Variants in CDC42BPA observed in about 807,000 individuals in gnomAD.
The protein encoded by CDC42BPA is CDC42 binding protein kinase alpha, also known as serine/threonine-protein kinase MRCK alpha.
Under a neutral mutation model 223.5 loss-of-function variants are expected in CDC42BPA, and 80 were observed. The observed-to-expected ratio is 0.36, with a 90% CI of 0.30 to 0.43. The LOEUF is 0.43. Ranked by LOEUF, CDC42BPA falls within the 20% of genes least tolerant of loss-of-function variation. CDC42BPA has a pLI of 1.00. For missense variants in CDC42BPA, 1,743 were observed against 2,099.9 expected, an observed-to-expected ratio of 0.83 and a Z score of 3.32; for synonymous variants, 694 against 718.6, an observed-to-expected ratio of 0.97 and a Z score of 0.55.
intron 2 of CDC42BPA, among the ~76,000 whole-genome samples, chr1:227,216,014 C>A (rs192104741): frequency 7.2e-5 from 11 of 152,182 alleles, no homozygotes; most frequent in African/African-American, 2.6e-4. Context: ...AAAAATTACT[C>A]ATACACTTGA....
chr1:226,992,643 C>T lies in CDC42BPA; in HGVS notation c.*1625G>A, dbSNP rs1292697398. ...ACTGCAGGAAAACTTTCTTCATTTT[C>T]ACTGAATTTTAAAGAGAGAATCCTG... On this transcript the variant is annotated 3_prime_UTR_variant, in exon 37 of 37. Transcript: ENST00000366766. 6.6e-6 allele frequency: 1 copy of T among 152,250 alleles called. No individual in the cohort carries two copies. The highest frequency in any genetic ancestry group is 6.5e-5 in the Admixed American group (1 of 15,288). 9.4% of individuals were successfully genotyped at this position (152,250 alleles called of 1,614,324 possible).
intron 10 of CDC42BPA, among the ~76,000 whole-genome samples, chr1:227,133,579 A>G (rs1412018073): frequency 6.6e-6 from 1 of 152,186 alleles, no homozygotes; most frequent in Admixed American, 6.5e-5. Flanking sequence ...CTGTGCAGAG[A>G]GAAGTAGACA....
intron 5 of CDC42BPA, among the ~76,000 whole-genome samples, chr1:227,174,376 T>TCCA (rs1260664076): frequency 2.0e-5 from 3 of 152,160 alleles, no homozygotes; most frequent in Non-Finnish European, 4.4e-5. Context: ...TTTTACACAT[T>TCCA]CCAAGAGGAT....
chr1:227,251,659 T>C (rs946579226), intron 2 of CDC42BPA, among the ~76,000 whole-genome samples: 3 of 152,124 alleles, frequency 2.0e-5, no homozygotes, highest in African/African-American at 7.2e-5. Context: ...TAATAGCGAA[T>C]GAGTTAATCA....
chr1:227,179,659 A>AAAAAAAAAAAAAAAAG (rs1216438998), intron 5 of CDC42BPA, among the ~76,000 whole-genome samples: 6 of 146,978 alleles, frequency 4.1e-5, no homozygotes, highest in African/African-American at 1.6e-4. Flanking sequence ...AAAAAAAAAA[A>AAAAAAAAAAAAAAAAG]AGCTATTTTA....
intron 1 of CDC42BPA, among the ~76,000 whole-genome samples, chr1:227,274,633 G>T (rs916832600): frequency 2.0e-5 from 3 of 151,980 alleles, no homozygotes; most frequent in Non-Finnish European, 2.9e-5. Flanking sequence ...AAAATACAAA[G>T]ATTTCACACC....
intron 1 of CDC42BPA, among the ~76,000 whole-genome samples, chr1:227,292,179 C>G (rs1390054142): frequency 6.6e-6 from 1 of 152,088 alleles, no homozygotes; most frequent in Non-Finnish European, 1.5e-5. Context: ...GATGGGGTGT[C>G]ACCATATTGG....
At chr1:227,259,475 C>T (rs768704363) in intron 1 of CDC42BPA, among the ~76,000 whole-genome samples, 2 of 150,982 alleles carry the variant, frequency 1.3e-5, no homozygotes, top group Non-Finnish European at 2.9e-5. Context: ...TCCTTATTCC[C>T]GGTGTTCTGG....
chr1:227,033,298 A>G (rs1669655045), intron 27 of CDC42BPA, 36 bp downstream of exon 27: 4 of 1,389,754 alleles, frequency 2.9e-6, no homozygotes, highest in South Asian at 2.3e-5. Context: ...TTAAAAACAC[A>G]TAATTCAGTG....
At chr1:227,170,586 CT>C (rs1430698116) in intron 5 of CDC42BPA, among the ~76,000 whole-genome samples, 2 of 152,158 alleles carry the variant, frequency 1.3e-5, no homozygotes, top group Non-Finnish European at 2.9e-5. Context: ...CAACAGATAG[CT>C]CCCCACTGCC....
At position 227,029,824 on chromosome 1, in the gene CDC42BPA, T is replaced by C. The variant is rs140192237; in HGVS notation, c.3839-574A>G. Among the ~76,000 whole-genome samples the C allele has an allele frequency of 4.3e-4, 65 of 152,328 alleles. No individual in the cohort carries two copies. The East Asian group carries it at 0.012, about 28-fold the overall frequency. On this transcript the variant is annotated intron_variant, in intron 29 of 36. Coordinates refer to ENST00000366766, the MANE Select transcript of CDC42BPA (RefSeq NM_001394014.1). Reference sequence around the variant, plus strand: ...AAAATCAAGTTGTATATATTTTTTTTCATGTTCCATCTTTAGAAATGCAAT... The same window carrying C: ...AAAATCAAGTTGTATATATTTTTTTCCATGTTCCATCTTTAGAAATGCAAT...
chr1:227,206,711 A>G lies in CDC42BPA; in HGVS notation c.354+6425T>C, dbSNP rs193185516. On this transcript the variant is annotated intron_variant, in intron 3 of 36. Coordinates refer to ENST00000366766, the MANE Select transcript of CDC42BPA (RefSeq NM_001394014.1). ...CTATTTTAAAGTGAATTCTTCCTTA[A>G]AAGTTTCAATGCAGAATTTCTGTCT... Among the ~76,000 whole-genome samples, 20 of 152,314 alleles carry G rather than the reference A, an allele frequency of 1.3e-4. No homozygotes were observed. In the East Asian group the frequency reaches 3.9e-3, roughly 29 times the overall value.
At chr1:227,152,100 G>A (rs1265768942) in intron 6 of CDC42BPA, among the ~76,000 whole-genome samples, 1 of 152,054 alleles carries the variant, frequency 6.6e-6, no homozygotes. Context: ...TTGCTGACTT[G>A]TAGGAGTTTT....
intron 2 of CDC42BPA, among the ~76,000 whole-genome samples, chr1:227,248,727 GCA>G (rs147737036): frequency 2.7e-5 from 4 of 149,568 alleles, no homozygotes; most frequent in African/African-American, 7.4e-5. Context: ...TGTGAGGTAT[GCA>G]CACACACACA....
intron 16 of CDC42BPA, among the ~76,000 whole-genome samples, chr1:227,086,556 A>G (rs577612628): frequency 2.1e-4 from 32 of 152,274 alleles, no homozygotes; most frequent in African/African-American, 7.5e-4. Flanking sequence ...TTTAAGTGGC[A>G]TTCTCCTAAT....
At chr1:227,186,352 C>T (rs1440998687) in intron 5 of CDC42BPA, among the ~76,000 whole-genome samples, 2 of 152,264 alleles carry the variant, frequency 1.3e-5, no homozygotes, top group East Asian at 1.9e-4. Context: ...CTTAAGAAGG[C>T]CTGCCCTCAG....
At chr1:227,309,494 A>C (rs1444818346) in intron 1 of CDC42BPA, among the ~76,000 whole-genome samples, 1 of 152,196 alleles carries the variant, frequency 6.6e-6, no homozygotes, top group Non-Finnish European at 1.5e-5. Flanking sequence ...AATAGTAGTA[A>C]AGTTCCCACA....
In CDC42BPA at chr1:226,994,243, C is replaced by T. The variant is rs768177493; in HGVS notation, c.*25G>A. 28 of 1,554,264 alleles carry T rather than the reference C, an allele frequency of 1.8e-5. No homozygotes were observed. Among genetic ancestry groups the T allele is most frequent in the Middle Eastern group, 1.8e-4 (1 of 5,688 alleles). On this transcript the variant is annotated 3_prime_UTR_variant, in exon 37 of 37. Coordinates refer to ENST00000366766, the MANE Select transcript of CDC42BPA (RefSeq NM_001394014.1). The surrounding 1 kb of genome is among the most constrained non-coding windows in gnomAD (Gnocchi z 4.0). ...GAGGCGAGTGGCAGGGAGCGGAGAGCGAGAGGTCCCAGTGCTGAGGCAGCT... is the reference window on the plus strand; with the variant it reads ...GAGGCGAGTGGCAGGGAGCGGAGAGTGAGAGGTCCCAGTGCTGAGGCAGCT...
intron 21 of CDC42BPA, chr1:227,069,246 GA>G (rs948860596): frequency 6.6e-6 from 1 of 151,944 alleles, no homozygotes; most frequent in Non-Finnish European, 1.5e-5. Context: ...TTAAAGCAAA[GA>G]ATTTAAATAC....
Sources: allele counts gnomAD v4.1 joint callset (sites outside exome capture counted in the v4.1 genomes callset), GRCh38; gene constraint gnomAD v4.1.1; non-coding constraint Gnocchi (gnomAD v3.1); transcripts MANE v1.5; gene names NCBI Gene and HGNC (gene_info 2026-07-23, HGNC 2026-07-21).